The following MINK1 variants were observed in gnomAD, a reference collection of about 807,000 sequenced individuals.
The protein encoded by MINK1 is misshapen-like kinase 1.
A neutral mutation model predicts 178.4 loss-of-function variants in MINK1; 46 were observed. The observed-to-expected ratio is 0.26, with a 90% CI of 0.20 to 0.33. The LOEUF (loss-of-function observed/expected upper bound fraction) is 0.33. Among genes scored for constraint, MINK1 ranks in the 10% least tolerant of loss-of-function variants. The pLI, the probability that MINK1 is intolerant of heterozygous loss-of-function variation, is 1.00. For synonymous variants in MINK1, 797 were observed against 709.7 expected, an observed-to-expected ratio of 1.12 and a Z score of -1.96; for missense variants, 1,366 against 1,814.9, an observed-to-expected ratio of 0.75 and a Z score of 4.49.
At chr17:4,866,429 T>C (rs910295837) in intron 1 of MINK1, among the ~76,000 whole-genome samples, 1 of 150,862 alleles carries the variant, frequency 6.6e-6, no homozygotes. Context: ...ATCGCGCCAC[T>C]GAACTCCAGC....
Position 4,889,651 on chromosome 17 carries a change from A to C in MINK1, c.1235A>C (p.Gln412Pro), listed in dbSNP as rs1299666050. The C allele has an allele frequency of 1.3e-6, 2 of 1,568,760 alleles. No homozygotes were observed. The highest frequency in any genetic ancestry group is 1.7e-6 in the Non-Finnish European group (2 of 1,158,048). Residue 412 changes from glutamine to proline, a missense_variant, in exon 13 of 32, where the codon CAG (glutamine) becomes CCG (proline). Transcript: ENST00000355280. ...ACCACCTGGCTCTCCCCACAGCAAC[A>C]GCGGCGGGAGCGGGAGCAGCGGAAG... ...KEERRRVEEQ[Q>P]RREREQRKLQ...
At position 4,858,360 on chromosome 17, in the gene MINK1, G is replaced by C. The variant is rs1168062651; in HGVS notation, c.58-19957G>C. On this transcript the variant is annotated intron_variant, in intron 1 of 31. Coordinates refer to ENST00000355280, the MANE Select transcript of MINK1 (RefSeq NM_153827.5). Reference sequence around the variant, plus strand: ...TTTGAACTGGTACCCGATAAACAGAGGCTCCAAGACGCTGGCAGCCTTGTT... The same window carrying C: ...TTTGAACTGGTACCCGATAAACAGACGCTCCAAGACGCTGGCAGCCTTGTT... 2.0e-5 allele frequency among the ~76,000 whole-genome samples: 3 copies of C among 152,272 alleles called. No individual in the cohort carries two copies. In the South Asian group the frequency reaches 6.2e-4, roughly 32 times the overall value.
In MINK1 at chr17:4,887,885, T is replaced by G. The variant is rs1597543611; in HGVS notation, c.1230+95T>G. On this transcript the variant is annotated intron_variant, in intron 12 of 31. Transcript: ENST00000355280. The surrounding 1 kb of genome is among the most constrained non-coding windows in gnomAD (Gnocchi z 7.6). ...TTGGAGAACAGGTTTTAAAATGCCT[T>G]AAATGAATGGCATTTCTGTTGAAAC... 5.3e-6 allele frequency: 5 copies of G among 936,408 alleles called. No individual in the cohort carries two copies. Among genetic ancestry groups the G allele is most frequent in the Non-Finnish European group, 7.5e-6 (5 of 667,538 alleles). The allele number at this position is 936,408 out of a possible 1,614,324, so 58.0% of individuals were successfully genotyped here.
chr17:4,833,403 G>C lies in MINK1; in HGVS notation c.-181G>C. On this transcript the variant is annotated 5_prime_UTR_variant, in exon 1 of 32. Coordinates refer to ENST00000355280, the MANE Select transcript of MINK1 (RefSeq NM_153827.5). This position sits in a 1 kb window ranked among gnomAD's most constrained non-coding sequence, Gnocchi z 4.8. ...AGGCTCGGGTGGCTGGCTCCGGGGA[G>C]ATAGCGCCTGTCAGTCGGTGGGTCG... The C allele has an allele frequency of 1.8e-6, 1 of 544,182 alleles. No homozygotes were observed. The highest frequency in any genetic ancestry group is 2.2e-5 in the South Asian group (1 of 44,802). The allele number at this position is 544,182 out of a possible 1,614,324, so 33.7% of individuals were successfully genotyped here.
Position 4,887,013 on chromosome 17 carries a change from C to G in MINK1, c.950-97C>G. 1 of 1,332,716 alleles carries G rather than the reference C, an allele frequency of 7.5e-7. No homozygotes were observed. 82.6% of individuals were successfully genotyped at this position (1,332,716 alleles called of 1,614,324 possible). A position where few individuals can be genotyped will look rare whatever the true frequency, so the allele number is the denominator to read the frequency against. On this transcript the variant is annotated intron_variant, in intron 10 of 31. Transcript: ENST00000355280. The surrounding 1 kb of genome is among the most constrained non-coding windows in gnomAD (Gnocchi z 7.6). Reference sequence around the variant, plus strand: ...GTGGGTGGGGCCCCTCATGCTTGCCCAGCCAGAGAGACCTGGTTATCCCCA... The same window carrying G: ...GTGGGTGGGGCCCCTCATGCTTGCCGAGCCAGAGAGACCTGGTTATCCCCA...
In MINK1 at chr17:4,881,179, C is replaced by T; in HGVS notation, c.228C>T (p.Tyr76=). The change falls in exon 4 of 32, where the codon TAC becomes TAT. Residue 76 remains tyrosine (Y), a synonymous_variant. Transcript: ENST00000355280. ...AGGAGATCAACATGCTGAAAAAGTACTCTCACCACCGCAACATCGCCACCT... is the reference window on the plus strand; with the variant it reads ...AGGAGATCAACATGCTGAAAAAGTATTCTCACCACCGCAACATCGCCACCT... ...IKQEINMLKK[Y]SHHRNIATYY... 6 of 1,537,216 alleles carry T rather than the reference C, an allele frequency of 3.9e-6. No homozygotes were observed. The highest frequency in any genetic ancestry group is 5.2e-6 in the Non-Finnish European group (6 of 1,146,874).
Position 4,896,102 on chromosome 17 carries a change from A to G in MINK1, c.3464A>G (p.Lys1155Arg), listed in dbSNP as rs1350601404. 4 of 1,606,460 alleles carry G rather than the reference A, an allele frequency of 2.5e-6. No individual in the cohort carries two copies. Among genetic ancestry groups the G allele is most frequent in the East Asian group, 2.2e-5 (1 of 44,520 alleles). The change falls in exon 28 of 32, where the codon AAG (lysine) becomes AGG (arginine). Residue 1155 changes from lysine (K) to arginine (R), a missense_variant and splice_region_variant. This residue lies in a region of MINK1 where 2 missense variants were observed against 19.6 expected (regional missense o/e 0.10). Transcript: ENST00000355280. The surrounding 1 kb of genome is among the most constrained non-coding windows in gnomAD (Gnocchi z 4.6). ...CCCTACCACAAATTCATGGCCTTCA[A>G]GGTAATCCCAGCCTCGGTCCCTAAC... ...PKPYHKFMAF[K>R]SFADLPHRPL...
At position 4,892,212 on chromosome 17, in the gene MINK1, C is replaced by T; in HGVS notation, c.2065C>T (p.Pro689Ser). The change falls in exon 17 of 32, where the codon CCA becomes TCA. Residue 689 changes from proline to serine, a missense_variant. Physicochemically the swap from Pro to Ser is moderately conservative, Grantham distance 74 (BLOSUM62 -1). Around this residue, in one of 14 missense-constraint regions of MINK1, gnomAD observed 709 missense variants for 692.3 expected, o/e 1.02. Transcript: ENST00000355280. ...LNTSGAGGSR[P>S]AQAVRARPRS... is the part of the protein sequence containing the mutation. ...CACCAGTGGGGCCGGAGGGTCCCGG[C>T]CAGCCCAGGCAGTCCGTGCCAGGTA... is the stretch of plus-strand genomic sequence containing the variant. The T allele has an allele frequency of 6.3e-7, 1 of 1,593,658 alleles. No homozygotes were observed. Among genetic ancestry groups the T allele is most frequent in the Non-Finnish European group, 8.5e-7 (1 of 1,171,144 alleles).
chr17:4,880,899 C>CAAA, intron 2 of MINK1, 85 bp from the exon 3 acceptor site: 4 of 1,110,644 alleles, frequency 3.6e-6, no homozygotes, highest in South Asian at 1.9e-5. Flanking sequence ...GACCCTGTCT[C>CAAA]AAAAAAAAAA....
At chr17:4,834,833 A>G (rs755292643) in intron 1 of MINK1, 20 of 520,008 alleles carry the variant, frequency 3.8e-5, no homozygotes, top group Non-Finnish European at 4.2e-5. Context: ...TGAGTCAGCC[A>G]GGGAACATGG....
At chr17:4,866,334 G>C (rs1020910056) in intron 1 of MINK1, among the ~76,000 whole-genome samples, 1 of 151,972 alleles carries the variant, frequency 6.6e-6, no homozygotes, top group Non-Finnish European at 1.5e-5. Context: ...GGGCGTGGTG[G>C]GGTGTGCCTG....
chr17:4,858,297 G>A (rs755133789), intron 1 of MINK1, among the ~76,000 whole-genome samples: 35 of 152,042 alleles, frequency 2.3e-4, no homozygotes, highest in East Asian at 1.9e-3. Context: ...CATCTGGGAG[G>A]GGGGAGGGCC....
intron 1 of MINK1, chr17:4,857,424 C>G (rs1296907726): frequency 7.0e-6 from 1 of 143,010 alleles, no homozygotes. Flanking sequence ...AGAGTGAGTG[C>G]AAAGACAGTG....
intron 20 of MINK1, 131 bp from the exon 21 acceptor site, chr17:4,893,303 T>C: frequency 6.2e-7 from 1 of 1,613,924 alleles, no homozygotes; most frequent in East Asian, 2.2e-5. Flanking sequence ...AGCGAGCAAT[T>C]GGTGAGGTTA....
In MINK1 at chr17:4,890,772, C is replaced by A. The variant is rs376105733; in HGVS notation, c.1566+37C>A. 6.0e-4 allele frequency: 916 copies of A among 1,535,752 alleles called. 4 individuals are homozygous for A. Among genetic ancestry groups the A allele is most frequent in the Non-Finnish European group, 7.1e-4 (806 of 1,136,992 alleles). ...CTCCTTTGCCTCCTGAGACTGCAGT[C>A]CCACTGCCTGAGGCCTGGAGAGCCA... On this transcript the variant is annotated intron_variant, in intron 14 of 31. Transcript: ENST00000355280.
At chr17:4,889,917 T>G in intron 13 of MINK1, 154 bp downstream of exon 13, 1 of 633,346 alleles carries the variant, frequency 1.6e-6, no homozygotes. Flanking sequence ...CTCCCACCCT[T>G]CAACCCCAAC....
At position 4,897,190 on chromosome 17, in the gene MINK1, C is replaced by T. The variant is rs1178289550; in HGVS notation, c.3916-14C>T. On this transcript the variant is annotated splice_polypyrimidine_tract_variant and intron_variant, in intron 31 of 31. Transcript: ENST00000355280. ...ACCTCAGCCCTTGGTGACTTCTTCT[C>T]CTGCCCCACCCAGGTGTTTTTTGCC... 3.1e-6 allele frequency: 5 copies of T among 1,611,978 alleles called. No individual in the cohort carries two copies. The highest frequency in any genetic ancestry group is 4.2e-6 in the Non-Finnish European group (5 of 1,178,844).
chr17:4,885,471 G>C lies in MINK1; in HGVS notation c.509-12G>C. On this transcript the variant is annotated splice_polypyrimidine_tract_variant and intron_variant, in intron 6 of 31. Transcript: ENST00000355280. The surrounding 1 kb of genome is among the most constrained non-coding windows in gnomAD (Gnocchi z 5.0). Reference sequence around the variant, plus strand: ...ACTCCCCACACTGACCCCTCCCTCTGTGTCTTCACAGTGGATTTTGGGGTG... The same window carrying C: ...ACTCCCCACACTGACCCCTCCCTCTCTGTCTTCACAGTGGATTTTGGGGTG... 2 of 1,613,532 alleles carry C rather than the reference G, an allele frequency of 1.2e-6. No homozygotes were observed. The highest frequency in any genetic ancestry group is 1.7e-6 in the Non-Finnish European group (2 of 1,179,604).
At chr17:4,842,845 G>A (rs1910458370) in intron 1 of MINK1, among the ~76,000 whole-genome samples, 2 of 152,206 alleles carry the variant, frequency 1.3e-5, no homozygotes, top group Non-Finnish European at 2.9e-5. Flanking sequence ...GAAGACAGAG[G>A]TGTGGTGAAT....
Sources: allele counts gnomAD v4.1 joint callset (sites outside exome capture counted in the v4.1 genomes callset), GRCh38; gene constraint gnomAD v4.1.1; regional missense constraint gnomAD v4.1.1; non-coding constraint Gnocchi (gnomAD v3.1); transcripts MANE v1.5; gene names NCBI Gene and HGNC (gene_info 2026-07-23, HGNC 2026-07-21).